The following MDGA2 variants were observed in gnomAD, a reference collection of about 807,000 sequenced individuals.
MDGA2 encodes the protein MAM domain containing glycosylphosphatidylinositol anchor 2, also known as MAM domain-containing glycosylphosphatidylinositol anchor protein 2.
MDGA2 carries 40 observed loss-of-function variants against 117.8 expected under a neutral mutation model. That is an observed-to-expected ratio of 0.34 (90% CI 0.26 to 0.44). The LOEUF (loss-of-function observed/expected upper bound fraction) is 0.44. Ranked by LOEUF, MDGA2 falls within the 20% of genes least tolerant of loss-of-function variation. The probability of loss-of-function intolerance (pLI) is 1.00; values close to 1 mark genes in which losing one functional copy is unlikely to be tolerated. For missense variants in MDGA2, 1,123 were observed against 1,250.6 expected (o/e 0.90, Z 1.54); for synonymous variants, 452 against 439.0 (o/e 1.03, Z -0.37).
At chr14:47,499,708 T>C (rs55950563) in intron 1 of MDGA2, among the ~76,000 whole-genome samples, 1 of 152,222 alleles carries the variant, frequency 6.6e-6, no homozygotes, top group African/African-American at 2.4e-5. Flanking sequence ...AAGCAGAACT[T>C]ATCTTTTGAT....
intron 8 of MDGA2, chr14:46,996,938 T>C: frequency 2.5e-6 from 1 of 394,648 alleles, no homozygotes. Flanking sequence ...AACCCAGGAA[T>C]GGGTGAAGTA....
intron 1 of MDGA2, among the ~76,000 whole-genome samples, chr14:47,511,668 C>T (rs990299756): frequency 1.3e-5 from 2 of 152,066 alleles, no homozygotes; most frequent in African/African-American, 2.4e-5. Flanking sequence ...AAAATTGTTT[C>T]GTTCAAGTTA....
Position 47,035,591 on chromosome 14 carries a change from G to A in MDGA2, c.1526-287C>T, listed in dbSNP as rs562468855. Reference sequence around the variant, plus strand: ...TCTTCTCAATGACCTGTAATAATTAGCCATTAACTGGGGCTTTAACATTTG... The same window carrying A: ...TCTTCTCAATGACCTGTAATAATTAACCATTAACTGGGGCTTTAACATTTG... On this transcript the variant is annotated intron_variant, in intron 7 of 16. Transcript: ENST00000399232. 3.9e-5 allele frequency among the ~76,000 whole-genome samples: 6 copies of A among 152,222 alleles called. No homozygotes were observed. In the South Asian group the frequency reaches 1.2e-3, roughly 32 times the overall value.
At chr14:47,527,638 G>C (rs144339494) in intron 1 of MDGA2, among the ~76,000 whole-genome samples, 2 of 152,182 alleles carry the variant, frequency 1.3e-5, no homozygotes, top group Non-Finnish European at 2.9e-5. Flanking sequence ...TCTGGAGCAA[G>C]AGAACAGAGT....
At chr14:47,184,234 T>C (rs1884824720) in intron 3 of MDGA2, among the ~76,000 whole-genome samples, 1 of 152,012 alleles carries the variant, frequency 6.6e-6, no homozygotes, top group Non-Finnish European at 1.5e-5. Flanking sequence ...TGCTTCGATA[T>C]TCCTTAATTA....
At chr14:47,320,581 C>T (rs1023087904) in intron 1 of MDGA2, among the ~76,000 whole-genome samples, 1 of 151,898 alleles carries the variant, frequency 6.6e-6, no homozygotes, top group African/African-American at 2.4e-5. Flanking sequence ...TTTTTCTCTC[C>T]TCTTTTCCTC....
intron 1 of MDGA2, among the ~76,000 whole-genome samples, chr14:47,648,561 C>A (rs1434779731): frequency 6.6e-6 from 1 of 151,924 alleles, no homozygotes; most frequent in African/African-American, 2.4e-5. Context: ...AAGTGCTAAA[C>A]CATAAGGCAC....
intron 1 of MDGA2, among the ~76,000 whole-genome samples, chr14:47,603,660 C>T (rs919657783): frequency 6.6e-6 from 1 of 152,096 alleles, no homozygotes; most frequent in Non-Finnish European, 1.5e-5. Context: ...TCTTTCTGCT[C>T]TCTTCCCTTC....
chr14:47,315,186 A>G (rs1319343258), intron 1 of MDGA2, among the ~76,000 whole-genome samples: 1 of 152,044 alleles, frequency 6.6e-6, no homozygotes, highest in Non-Finnish European at 1.5e-5. Flanking sequence ...TTCTACTTCT[A>G]CTTTACAGTT....
intron 8 of MDGA2, among the ~76,000 whole-genome samples, chr14:46,984,414 T>C (rs1886792301): frequency 1.3e-5 from 2 of 152,016 alleles, no homozygotes; most frequent in African/African-American, 4.8e-5. Context: ...TTTTATGTAA[T>C]TCTATTTTTG....
chr14:47,372,612 T>A (rs1891387633), intron 1 of MDGA2, among the ~76,000 whole-genome samples: 1 of 151,874 alleles, frequency 6.6e-6, no homozygotes, highest in Non-Finnish European at 1.5e-5. Flanking sequence ...GAATTATTGG[T>A]TAGAGTATGA....
chr14:47,378,300 C>G (rs1263845102), intron 1 of MDGA2, among the ~76,000 whole-genome samples: 2 of 152,168 alleles, frequency 1.3e-5, no homozygotes, highest in Non-Finnish European at 2.9e-5. Context: ...AATCAGAGCA[C>G]CTCTTCTTCT....
At chr14:47,379,810 C>A (rs61663660) in intron 1 of MDGA2, among the ~76,000 whole-genome samples, 39,209 of 152,022 alleles carry the variant, frequency 0.26, 5,239 homozygotes, top group South Asian at 0.45. Context: ...TTAGACAGAT[C>A]AACAAGACAG....
intron 6 of MDGA2, among the ~76,000 whole-genome samples, chr14:47,084,365 T>C (rs1413270622): frequency 1.3e-5 from 2 of 151,782 alleles, no homozygotes; most frequent in African/African-American, 4.8e-5. Flanking sequence ...ACAGAAGATA[T>C]CAAAATTTGT....
chr14:46,890,887 C>T (rs756112833), intron 10 of MDGA2, among the ~76,000 whole-genome samples: 37 of 151,966 alleles, frequency 2.4e-4, no homozygotes, highest in Admixed American at 3.9e-4. Flanking sequence ...TCTAAAACTT[C>T]CTACATAAAT....
At chr14:47,276,398 C>A (rs1265064054) in intron 2 of MDGA2, among the ~76,000 whole-genome samples, 1 of 152,132 alleles carries the variant, frequency 6.6e-6, no homozygotes, top group Non-Finnish European at 1.5e-5. Context: ...ATACCTTATT[C>A]TTAAATCTAA....
chr14:47,614,520 C>A lies in MDGA2; in HGVS notation c.280+59997G>T, dbSNP rs1896914660. ...TTATTTCCACACTCGTGCTAACTCA[C>A]AGATAAATTATAGATTAATTTTAAT... On this transcript the variant is annotated intron_variant, in intron 1 of 16. Coordinates refer to ENST00000399232, the MANE Select transcript of MDGA2 (RefSeq NM_001113498.3). 1.3e-5 allele frequency among the ~76,000 whole-genome samples: 2 copies of A among 152,144 alleles called. 1 individual carries two copies. Among genetic ancestry groups the A allele is most frequent in the African/African-American group, 4.8e-5 (2 of 41,428 alleles).
chr14:47,405,117 A>T (rs1892234233), intron 1 of MDGA2, among the ~76,000 whole-genome samples: 1 of 152,232 alleles, frequency 6.6e-6, no homozygotes, highest in South Asian at 2.1e-4. Context: ...TAATAAATAT[A>T]TGCATTATGC....
chr14:47,510,245 C>T (rs1357044120), intron 1 of MDGA2, among the ~76,000 whole-genome samples: 1 of 152,074 alleles, frequency 6.6e-6, no homozygotes, highest in Non-Finnish European at 1.5e-5. Flanking sequence ...TAGAAGAGAG[C>T]CCTCACCAGA....
Sources: gnomAD v4.1 joint callset for allele counts (sites outside exome capture counted in the v4.1 genomes callset) on GRCh38, gnomAD v4.1.1 for gene constraint, MANE v1.5 for transcripts, NCBI Gene and HGNC (gene_info 2026-07-23, HGNC 2026-07-21) for gene names.